Variants in PKHD1 observed in about 807,000 individuals in gnomAD.
PKHD1 encodes the protein PKHD1 ciliary IPT domain containing fibrocystin/polyductin.
PKHD1 carries 291 observed loss-of-function variants against 412.0 expected under a neutral mutation model. The observed-to-expected ratio is 0.71, with a 90% confidence interval of 0.64 to 0.78. The LOEUF is 0.78. PKHD1 is among the 30% of genes least tolerant of loss of function. The probability of loss-of-function intolerance (pLI) is 0.00; values close to 1 mark genes in which losing one functional copy is unlikely to be tolerated. For missense variants in PKHD1, 4,825 were observed against 4,950.7 expected (o/e 0.97, Z 0.76); for synonymous variants, 1,777 against 1,821.5 (o/e 0.98, Z 0.62).
intron 60 of PKHD1, among the ~76,000 whole-genome samples, chr6:51,736,448 C>A (rs1185175340): frequency 6.6e-6 from 1 of 152,014 alleles, no homozygotes; most frequent in African/African-American, 2.4e-5. Context: ...CACTAGAAGC[C>A]GTATCCCCCC....
intron 35 of PKHD1, among the ~76,000 whole-genome samples, chr6:51,989,877 G>T (rs1231867950): frequency 2.0e-5 from 1 of 49,388 alleles, no homozygotes; most frequent in Admixed American, 3.0e-4. Context: ...GGAAACAAGG[G>T]AGAAAAGGAA....
At chr6:51,872,008 T>C (rs1486834556) in intron 46 of PKHD1, among the ~76,000 whole-genome samples, 1 of 122,538 alleles carries the variant, frequency 8.2e-6, no homozygotes, top group East Asian at 6.9e-4. Context: ...AAATATTATT[T>C]TTAGAAAAAA....
intron 41 of PKHD1, among the ~76,000 whole-genome samples, 164 bp downstream of exon 41, chr6:51,906,051 G>C (rs1782022825): frequency 6.6e-6 from 1 of 152,144 alleles, no homozygotes; most frequent in Non-Finnish European, 1.5e-5. Flanking sequence ...AAGCCAATCA[G>C]TGATGACTAC....
At position 51,909,870 on chromosome 6, in the gene PKHD1, A is replaced by G. The variant is rs1048186795; in HGVS notation, c.6491-396T>C. The stretch of plus-strand genomic sequence containing the variant: ...AAGACATGTTAGCACTGAATATAAT[A>G]ACAGCACTTTTTAATCTTAAGCTGT... On this transcript the variant is annotated intron_variant, in intron 39 of 66. Coordinates refer to ENST00000371117, the MANE Select transcript of PKHD1 (RefSeq NM_138694.4). Among the ~76,000 whole-genome samples the G allele has an allele frequency of 3.3e-5, 5 of 152,112 alleles. No homozygotes were observed. The South Asian group carries it at 1.0e-3, about 31-fold the overall frequency.
chr6:51,802,025 G>A (rs6916797), intron 52 of PKHD1, among the ~76,000 whole-genome samples: 89,902 of 151,856 alleles, frequency 0.59, 27,281 homozygotes, highest in East Asian at 0.83. Flanking sequence ...TCTGAAAGGA[G>A]AATACCAGAA....
intron 48 of PKHD1, among the ~76,000 whole-genome samples, chr6:51,862,908 A>T (rs972072371): frequency 3.3e-5 from 5 of 152,214 alleles, no homozygotes; most frequent in African/African-American, 1.2e-4. Context: ...CAGGAATTGG[A>T]TTAAGTTACA....
At chr6:52,037,775 T>A (rs1193681207) in intron 27 of PKHD1, among the ~76,000 whole-genome samples, 1 of 152,236 alleles carries the variant, frequency 6.6e-6, no homozygotes, top group African/African-American at 2.4e-5. Flanking sequence ...AATCTTTTGA[T>A]ATTTATCAAA....
Position 51,733,931 on chromosome 6 carries a change from C to T in PKHD1, c.10156+10454G>A, listed in dbSNP as rs560488166. ...CTGGGAAAATGAAAGGTAAAGGGCA[C>T]GTATGCATGTGAAGTGAAGCTGATT... On this transcript the variant is annotated intron_variant, in intron 60 of 66. Coordinates refer to ENST00000371117, the MANE Select transcript of PKHD1 (RefSeq NM_138694.4). Among the ~76,000 whole-genome samples the T allele has an allele frequency of 2.6e-5, 4 of 152,272 alleles. No individual in the cohort carries two copies. The South Asian group carries it at 8.3e-4, about 32-fold the overall frequency.
At chr6:51,636,310 T>C (rs913559005) in intron 64 of PKHD1, among the ~76,000 whole-genome samples, 1 of 152,094 alleles carries the variant, frequency 6.6e-6, no homozygotes, top group Non-Finnish European at 1.5e-5. Flanking sequence ...CTAATGCCTA[T>C]AATGCCAGCA....
At chr6:51,986,427 G>A (rs1338794098) in intron 35 of PKHD1, among the ~76,000 whole-genome samples, 3 of 152,128 alleles carry the variant, frequency 2.0e-5, no homozygotes, top group Non-Finnish European at 4.4e-5. Flanking sequence ...AAGGAAGTAG[G>A]GGCTACTGAC....
At chr6:51,923,039 A>C (rs1468350391) in intron 37 of PKHD1, among the ~76,000 whole-genome samples, 1 of 152,178 alleles carries the variant, frequency 6.6e-6, no homozygotes, top group Non-Finnish European at 1.5e-5. Context: ...GCTGGGAGCT[A>C]TAGACTGGAG....
chr6:51,790,471 G>A (rs569485007), intron 53 of PKHD1, among the ~76,000 whole-genome samples: 14 of 152,240 alleles, frequency 9.2e-5, no homozygotes, highest in Admixed American at 2.0e-4. Flanking sequence ...TCATCTCCGA[G>A]CACCTACTGA....
intron 2 of PKHD1, 32 bp downstream of exon 2, chr6:52,084,850 C>T (rs770523811): frequency 2.9e-6 from 4 of 1,361,568 alleles, no homozygotes; most frequent in African/African-American, 1.4e-5. Context: ...TGTGTTCTTA[C>T]CTATAATTCC....
rs75083686 is a variant in PKHD1 at position 51,760,435 on chromosome 6, A to C, written c.8643-5497T>G. ...GTGTTATGCTTTTCTTAAAATTACA[A>C]ATCATAAAATCACATCTTACGTTCA... is the stretch of plus-strand genomic sequence containing the variant. On this transcript the variant is annotated intron_variant, in intron 55 of 66. Transcript: ENST00000371117. Among the ~76,000 whole-genome samples the C allele has an allele frequency of 3.0e-4, 46 of 152,246 alleles. No homozygotes were observed. The East Asian group carries it at 8.1e-3, about 27-fold the overall frequency.
intron 60 of PKHD1, among the ~76,000 whole-genome samples, chr6:51,674,283 C>A (rs576098441): frequency 6.6e-6 from 1 of 152,178 alleles, no homozygotes; most frequent in African/African-American, 2.4e-5. Context: ...AAGAAACCCA[C>A]AGACTAACGA....
At chr6:51,705,021 G>C (rs1779851814) in intron 60 of PKHD1, among the ~76,000 whole-genome samples, 1 of 152,050 alleles carries the variant, frequency 6.6e-6, no homozygotes, top group South Asian at 2.1e-4. Context: ...ATTTCAAAAG[G>C]ACTGAGATCA....
chr6:51,989,942 AGG>A (rs1796781712), intron 35 of PKHD1, among the ~76,000 whole-genome samples: 2 of 28,476 alleles, frequency 7.0e-5, no homozygotes, highest in South Asian at 1.1e-3. Context: ...GAAAGAAGGA[AGG>A]AAGAAAGGAA....
intron 41 of PKHD1, among the ~76,000 whole-genome samples, chr6:51,905,516 G>A (rs1781943342): frequency 2.0e-5 from 3 of 152,138 alleles, no homozygotes; most frequent in Non-Finnish European, 2.9e-5. Flanking sequence ...GAAGGAAAAA[G>A]TGTGGTCTTT....
intron 48 of PKHD1, among the ~76,000 whole-genome samples, chr6:51,865,937 G>C (rs1000803879): frequency 6.6e-6 from 1 of 152,144 alleles, no homozygotes; most frequent in African/African-American, 2.4e-5. Flanking sequence ...AAAATTAGAA[G>C]GACCTTAGAG....
Sources: allele counts gnomAD v4.1 joint callset (sites outside exome capture counted in the v4.1 genomes callset), GRCh38; gene constraint gnomAD v4.1.1; transcripts MANE v1.5; gene names NCBI Gene and HGNC (gene_info 2026-07-23, HGNC 2026-07-21).